The following HDC variants were observed in gnomAD, a reference collection of about 807,000 sequenced individuals.
The protein encoded by HDC is histidine decarboxylase.
In HDC, 27 loss-of-function variants were observed where a neutral mutation model predicts 64.4. The ratio of observed to expected loss-of-function variants is 0.42; its 90% CI spans 0.31 to 0.58. The LOEUF (loss-of-function observed/expected upper bound fraction) is 0.58, where lower values mean the gene tolerates loss of function less well. Among genes scored for constraint, HDC ranks in the 20% least tolerant of loss-of-function variants. The pLI, the probability that HDC is intolerant of heterozygous loss-of-function variation, is 0.16. For synonymous variants in HDC, 305 were observed against 314.2 expected, an observed-to-expected ratio of 0.97 and a Z score of 0.31; for missense variants, 711 against 833.9, an observed-to-expected ratio of 0.85 and a Z score of 1.81.
chr15:50,246,717 C>G (rs2045486972), intron 10 of HDC, among the ~76,000 whole-genome samples: 2 of 152,172 alleles, frequency 1.3e-5, no homozygotes, highest in South Asian at 4.1e-4. Context: ...GGAGGTTAGT[C>G]AGGATCTGCA....
In HDC at chr15:50,243,139, T is replaced by C; in HGVS notation, c.1242+4A>G. ...TCACAGAGGGGCTTGGAAGATGGTA[T>C]TACCTTTAGACGAAAAACCACCAGG... On this transcript the variant is annotated splice_donor_region_variant and intron_variant, in intron 11 of 11. Coordinates refer to ENST00000267845, the MANE Select transcript of HDC (RefSeq NM_002112.4). The C allele has an allele frequency of 6.2e-7, 1 of 1,612,910 alleles. No individual in the cohort carries two copies. The highest frequency in any genetic ancestry group is 1.1e-5 in the South Asian group (1 of 91,050).
intron 6 of HDC, 103 bp from the exon 7 acceptor site, chr15:50,253,769 C>G: frequency 1.1e-6 from 1 of 884,130 alleles, no homozygotes; most frequent in South Asian, 1.4e-5. Context: ...CCATCCATCC[C>G]ACCAGAACAG....
At chr15:50,247,413 A>C (rs1464043492) in intron 10 of HDC, among the ~76,000 whole-genome samples, 1 of 152,212 alleles carries the variant, frequency 6.6e-6, no homozygotes, top group Non-Finnish European at 1.5e-5. Context: ...TGTTAAAAAA[A>C]ATCATAGTTA....
At chr15:50,244,024 T>G (rs1334727572) in intron 10 of HDC, among the ~76,000 whole-genome samples, 2 of 152,224 alleles carry the variant, frequency 1.3e-5, no homozygotes, top group Admixed American at 6.5e-5. Flanking sequence ...GTTACAATTT[T>G]AAAATGTTAA....
Position 50,241,978 on chromosome 15 carries a change from T to C in HDC, c.*282A>G. The C allele has an allele frequency of 1.9e-6, 1 of 516,692 alleles. No individual in the cohort carries two copies. The highest frequency in any genetic ancestry group is 3.3e-5 in the East Asian group (1 of 30,100). 32.0% of individuals were successfully genotyped at this position (516,692 alleles called of 1,614,324 possible). The stretch of plus-strand genomic sequence containing the variant: ...TTCAGGGACAAGCATAATTTATTTC[T>C]GTGTTATATATCATGTCACAAGCTG... On this transcript the variant is annotated 3_prime_UTR_variant, in exon 12 of 12. Transcript: ENST00000267845.
intron 3 of HDC, 44 bp from the exon 4 acceptor site, chr15:50,257,591 C>T (rs1278878006): frequency 1.2e-6 from 2 of 1,611,706 alleles, no homozygotes; most frequent in Admixed American, 1.7e-5. Flanking sequence ...CCCCAGGGCA[C>T]TGAGGTGCCC....
intron 3 of HDC, 36 bp from the exon 4 acceptor site, chr15:50,257,583 C>T: frequency 6.2e-7 from 1 of 1,612,876 alleles, no homozygotes; most frequent in Non-Finnish European, 8.5e-7. Context: ...CTGCACAGCC[C>T]CAGGGCACTG....
At chr15:50,252,390 C>T in intron 9 of HDC, 40 bp downstream of exon 9, 1 of 1,555,442 alleles carries the variant, frequency 6.4e-7, no homozygotes, top group Non-Finnish European at 8.9e-7. Flanking sequence ...TTCCCACTGG[C>T]CACCCGAGCC....
Position 50,242,320 on chromosome 15 carries a change from A to G in HDC, c.1929T>C (p.Pro643=), listed in dbSNP as rs544276195. 9 of 1,614,220 alleles carry G rather than the reference A, an allele frequency of 5.6e-6. No individual in the cohort carries two copies. In the Admixed American group the frequency reaches 1.2e-4, roughly 21 times the overall value. ...LIKFYSVPSF[P]ECSSQCGLQL... is the part of the protein sequence containing the mutation. The stretch of plus-strand genomic sequence containing the variant: ...GGAGTCCACATTGAGAGCTGCATTC[A>G]GGAAAGCTGGGGACGCTGTAGAATT... The change falls in exon 12 of 12, where the codon CCT becomes CCC. Residue 643 remains proline, a synonymous_variant. Coordinates refer to ENST00000267845, the MANE Select transcript of HDC (RefSeq NM_002112.4).
Position 50,242,665 on chromosome 15 carries a change from A to C in HDC, c.1584T>G (p.Arg528=). 1 of 1,614,164 alleles carries C rather than the reference A, an allele frequency of 6.2e-7. No individual in the cohort carries two copies. Among genetic ancestry groups the C allele is most frequent in the South Asian group, 1.1e-5 (1 of 91,080 alleles). The part of the protein sequence containing the change: ...QARKIIKQPQ[R]VGAGPMKREN... ...CCCTTTTCATGGGACCGGCTCCCAC[A>C]CGCTGAGGCTGCTTGATGATCTTCC... Residue 528 remains arginine (R), a synonymous_variant, in exon 12 of 12, where the codon CGT becomes CGG. Coordinates refer to ENST00000267845, the MANE Select transcript of HDC (RefSeq NM_002112.4).
intron 4 of HDC, among the ~76,000 whole-genome samples, chr15:50,255,776 G>A (rs980462220): frequency 2.6e-5 from 4 of 152,150 alleles, no homozygotes; most frequent in African/African-American, 9.7e-5. Context: ...CTCCAGCCTG[G>A]GAGACAGAAC....
At chr15:50,246,822 G>A (rs2045489068) in intron 10 of HDC, among the ~76,000 whole-genome samples, 1 of 152,166 alleles carries the variant, frequency 6.6e-6, no homozygotes, top group Non-Finnish European at 1.5e-5. Context: ...CTCCAGTCTT[G>A]AGTCTGCATT....
intron 2 of HDC, among the ~76,000 whole-genome samples, chr15:50,262,020 T>A (rs2045710954): frequency 6.6e-6 from 1 of 151,980 alleles, no homozygotes; most frequent in South Asian, 2.1e-4. Flanking sequence ...TTTTGTCACA[T>A]TGAAGTCAAA....
At chr15:50,243,072 AT>A in intron 11 of HDC, 66 bp from the exon 12 acceptor site, 1 of 1,613,896 alleles carries the variant, frequency 6.2e-7, no homozygotes, top group East Asian at 2.2e-5. Flanking sequence ...AGAGCCCAGC[AT>A]TTGTGTTTCC....
rs530959397 is a variant in HDC at position 50,262,469 on chromosome 15, A to G, written c.204+766T>C. Among the ~76,000 whole-genome samples the G allele has an allele frequency of 3.0e-3, 462 of 152,284 alleles. 3 individuals are homozygous for G. Among genetic ancestry groups the G allele is most frequent in the Non-Finnish European group, 5.9e-3 (398 of 68,008 alleles). On this transcript the variant is annotated intron_variant, in intron 2 of 11. Coordinates refer to ENST00000267845, the MANE Select transcript of HDC (RefSeq NM_002112.4). ...GGAAGGGAGTCGATGCCACTTTAGCATGAGCACCATGGCAGAGCTCCTCAC... is the reference window on the plus strand; with the variant it reads ...GGAAGGGAGTCGATGCCACTTTAGCGTGAGCACCATGGCAGAGCTCCTCAC...
intron 2 of HDC, among the ~76,000 whole-genome samples, chr15:50,260,772 T>TGAC (rs2045692702): frequency 6.6e-6 from 1 of 152,166 alleles, no homozygotes; most frequent in South Asian, 2.1e-4. Context: ...TAGGGACAGG[T>TGAC]GACCGCAATG....
At chr15:50,243,118 A>G (rs746125965) in intron 11 of HDC, 25 bp downstream of exon 11, 1 of 1,611,526 alleles carries the variant, frequency 6.2e-7, no homozygotes, top group Admixed American at 1.7e-5. Context: ...CATCATTCAC[A>G]GAGGGGCTTG....
At chr15:50,257,605 C>T (rs1344057897) in intron 3 of HDC, 58 bp from the exon 4 acceptor site, 12 of 1,599,220 alleles carry the variant, frequency 7.5e-6, no homozygotes, top group East Asian at 4.5e-5. Flanking sequence ...GGTGCCCCCA[C>T]GAGCTCCAGA....
At position 50,242,618 on chromosome 15, in the gene HDC, G is replaced by T. The variant is rs1324899475; in HGVS notation, c.1631C>A (p.Thr544Asn). The T allele has an allele frequency of 1.9e-6, 3 of 1,614,220 alleles. No homozygotes were observed. The Admixed American group carries it at 5.0e-5, about 27-fold the overall frequency. Residue 544 changes from threonine to asparagine, a missense_variant, in exon 12 of 12, where the codon ACC (threonine) becomes AAC (asparagine). Around this residue, in one of 3 missense-constraint regions of HDC, gnomAD observed 483 missense variants for 540.9 expected, o/e 0.89. Transcript: ENST00000267845. ...GCAGTCATCAACTGGGTCCAGCAGGGTTTCAAGATGGAGGCCATTTTCCCT... is the reference window on the plus strand; with the variant it reads ...GCAGTCATCAACTGGGTCCAGCAGGTTTTCAAGATGGAGGCCATTTTCCCT... Reference protein sequence around the residue: ...MKRENGLHLETLLDPVDDCFS... With the variant: ...MKRENGLHLENLLDPVDDCFS...
Sources: gnomAD v4.1 joint callset for allele counts (sites outside exome capture counted in the v4.1 genomes callset) on GRCh38, gnomAD v4.1.1 for gene constraint, gnomAD v4.1.1 regional missense constraint, MANE v1.5 for transcripts, NCBI Gene and HGNC (gene_info 2026-07-23, HGNC 2026-07-21) for gene names.